Variants in PCED1B observed in about 807,000 individuals in gnomAD.
PCED1B encodes the protein PC-esterase domain containing 1B.
For synonymous variants in PCED1B, 251 were observed against 246.1 expected (o/e 1.02, Z -0.19); for missense variants, 573 against 573.9 (o/e 1.00, Z 0.02).
chr12:47,200,764 T>A (rs1200565398), intron 2 of PCED1B, among the ~76,000 whole-genome samples: 1 of 152,270 alleles, frequency 6.6e-6, no homozygotes, highest in Admixed American at 6.5e-5. Flanking sequence ...TCCACTGCTC[T>A]GCTGGACCAG....
chr12:47,217,486 AAGAAAG>A (rs1565608019), intron 3 of PCED1B, among the ~76,000 whole-genome samples: 1 of 110,892 alleles, frequency 9.0e-6, no homozygotes. Context: ...GAAAGAAAGA[AAGAAAG>A]AAAGAAAGAA....
At chr12:47,103,419 C>A (rs568960492) in intron 1 of PCED1B, among the ~76,000 whole-genome samples, 1 of 152,164 alleles carries the variant, frequency 6.6e-6, no homozygotes, top group Non-Finnish European at 1.5e-5. Flanking sequence ...GAATGTGGCT[C>A]CCATCTGCAC....
intron 2 of PCED1B, among the ~76,000 whole-genome samples, chr12:47,208,128 C>T (rs1272881662): frequency 6.6e-6 from 1 of 152,064 alleles, no homozygotes; most frequent in Non-Finnish European, 1.5e-5. Context: ...TTCTGTGACT[C>T]CACCAGGTGT....
At chr12:47,109,435 C>G (rs2177750) in intron 2 of PCED1B, among the ~76,000 whole-genome samples, 131,202 of 151,868 alleles carry the variant, frequency 0.86, 57,235 homozygotes, top group East Asian at 0.95. Flanking sequence ...CTCTTTGTCT[C>G]TATCTTACAC....
At chr12:47,177,520 G>A (rs1941961511) in intron 2 of PCED1B, among the ~76,000 whole-genome samples, 1 of 152,128 alleles carries the variant, frequency 6.6e-6, no homozygotes, top group African/African-American at 2.4e-5. Flanking sequence ...TAGAGGACAT[G>A]AGTTTGGTTG....
At chr12:47,233,097 G>A (rs1408791312) in intron 3 of PCED1B, among the ~76,000 whole-genome samples, 1 of 152,030 alleles carries the variant, frequency 6.6e-6, no homozygotes, top group Non-Finnish European at 1.5e-5. Flanking sequence ...ATAAAGATGG[G>A]GTTTTGCCAT....
chr12:47,206,587 T>G (rs1414592003), intron 2 of PCED1B: 3 of 152,286 alleles, frequency 2.0e-5, no homozygotes, highest in African/African-American at 7.2e-5. Context: ...TTCCTCAGCC[T>G]GCTGGGGACA....
chr12:47,186,355 G>T (rs11183783), intron 2 of PCED1B, among the ~76,000 whole-genome samples: 1 of 151,924 alleles, frequency 6.6e-6, no homozygotes, highest in Non-Finnish European at 1.5e-5. Flanking sequence ...CAAATATATG[G>T]GGAAACTTAT....
At chr12:47,142,748 T>C (rs985705277) in intron 2 of PCED1B, among the ~76,000 whole-genome samples, 2 of 151,788 alleles carry the variant, frequency 1.3e-5, no homozygotes, top group Non-Finnish European at 2.9e-5. Flanking sequence ...CAAAAACAGA[T>C]TATTTGAAAT....
At chr12:47,207,369 G>T (rs1294966524) in intron 2 of PCED1B, among the ~76,000 whole-genome samples, 1 of 152,226 alleles carries the variant, frequency 6.6e-6, no homozygotes, top group Non-Finnish European at 1.5e-5. Context: ...AACCTAATTA[G>T]CTCTATGAAA....
At chr12:47,168,612 T>A (rs1362605365) in intron 2 of PCED1B, among the ~76,000 whole-genome samples, 1 of 152,188 alleles carries the variant, frequency 6.6e-6, no homozygotes, top group African/African-American at 2.4e-5. Flanking sequence ...ACTTTTCAGC[T>A]CTTAATCTTT....
At chr12:47,224,976 G>A (rs1339796050) in intron 3 of PCED1B, among the ~76,000 whole-genome samples, 1 of 152,078 alleles carries the variant, frequency 6.6e-6, no homozygotes, top group Non-Finnish European at 1.5e-5. Flanking sequence ...CTGTCGCCCA[G>A]GCTGGAGTGC....
At chr12:47,224,383 T>C (rs1290945947) in intron 3 of PCED1B, among the ~76,000 whole-genome samples, 1 of 152,230 alleles carries the variant, frequency 6.6e-6, no homozygotes, top group African/African-American at 2.4e-5. Flanking sequence ...TATATTAGAC[T>C]ATTATTATGG....
intron 2 of PCED1B, among the ~76,000 whole-genome samples, chr12:47,162,965 A>G (rs981551802): frequency 6.6e-6 from 1 of 152,212 alleles, no homozygotes; most frequent in Non-Finnish European, 1.5e-5. Flanking sequence ...ATTTCTGAAT[A>G]TCTATCTTTG....
chr12:47,157,802 A>C lies in PCED1B; in HGVS notation c.-526+53607A>C, dbSNP rs1941243476. Among the ~76,000 whole-genome samples, 4 of 152,258 alleles carry C rather than the reference A, an allele frequency of 2.6e-5. No homozygotes were observed. In the South Asian group the frequency reaches 8.3e-4, roughly 32 times the overall value. On this transcript the variant is annotated intron_variant, in intron 2 of 3. Transcript: ENST00000546455. ...TGTACCTGTTACAGAATAACTCTCC[A>C]TTCCCCACTTCTGCTAGTTCCTGAC...
At chr12:47,234,584 A>G (rs935330371) in intron 3 of PCED1B, among the ~76,000 whole-genome samples, 1 of 152,138 alleles carries the variant, frequency 6.6e-6, no homozygotes, top group Non-Finnish European at 1.5e-5. Flanking sequence ...GTCCTTGCTT[A>G]CTTGGGGTCC....
chr12:47,219,313 A>T (rs1943401501), intron 3 of PCED1B, among the ~76,000 whole-genome samples: 1 of 152,164 alleles, frequency 6.6e-6, no homozygotes, highest in Admixed American at 6.5e-5. Context: ...TCCCCCATTT[A>T]AGAAGTAAAA....
chr12:47,169,376 G>T, intron 2 of PCED1B, among the ~76,000 whole-genome samples: 1 of 151,926 alleles, frequency 6.6e-6, no homozygotes, highest in African/African-American at 2.4e-5. Flanking sequence ...GTCTTATGTC[G>T]TATTTCAGGG....
intron 2 of PCED1B, among the ~76,000 whole-genome samples, chr12:47,108,184 T>C (rs1026994966): frequency 6.6e-6 from 1 of 152,238 alleles, no homozygotes; most frequent in East Asian, 1.9e-4. Flanking sequence ...CATTGCTTTT[T>C]CCAGTTGGAT....
Sources: allele counts gnomAD v4.1 joint callset (sites outside exome capture counted in the v4.1 genomes callset), GRCh38; gene constraint gnomAD v4.1.1; transcripts MANE v1.5; gene names NCBI Gene and HGNC (gene_info 2026-07-23, HGNC 2026-07-21).